The following PDCD6IP variants were observed in gnomAD, a reference collection of about 807,000 sequenced individuals.
The protein encoded by PDCD6IP is programmed cell death 6-interacting protein.
Under a neutral mutation model 103.7 loss-of-function variants are expected in PDCD6IP, and 43 were observed. The observed-to-expected ratio is 0.41, with a 90% CI of 0.32 to 0.53. The LOEUF (loss-of-function observed/expected upper bound fraction) is 0.53. Ranked by LOEUF, PDCD6IP falls within the 20% of genes least tolerant of loss-of-function variation. PDCD6IP has a pLI of 0.16. For synonymous variants in PDCD6IP, 354 were observed against 378.7 expected, an observed-to-expected ratio of 0.93 and a Z score of 0.76; for missense variants, 871 against 1,036.7, an observed-to-expected ratio of 0.84 and a Z score of 2.20.
At chr3:33,828,187 A>T (rs7616762) in intron 6 of PDCD6IP, among the ~76,000 whole-genome samples, 2 of 152,012 alleles carry the variant, frequency 1.3e-5, no homozygotes, top group Non-Finnish European at 2.9e-5. Flanking sequence ...CAAATAGGCA[A>T]AATAACACTT....
chr3:33,849,128 T>C (rs1232816167), intron 12 of PDCD6IP, among the ~76,000 whole-genome samples: 3 of 152,252 alleles, frequency 2.0e-5, no homozygotes, highest in Non-Finnish European at 4.4e-5. Context: ...GTTCCTGATC[T>C]GAAAGACAAA....
In PDCD6IP at chr3:33,813,592, G is replaced by T. The variant is rs748666912; in HGVS notation, c.298G>T (p.Asp100Tyr). ...GACATTTACCTGGAAGGATGCTTTC[G>T]ATAAAGGTTCACTTTTTGGAGGCTC... ...CLTFTWKDAF[D>Y]KGSLFGGSVK... The change falls in exon 3 of 18, where the codon GAT becomes TAT. Residue 100 changes from aspartate to tyrosine, a missense_variant. Physicochemically the swap from Asp to Tyr is radical, Grantham distance 160. This residue lies in a region of PDCD6IP where 47 missense variants were observed against 83.7 expected (regional missense o/e 0.56). Transcript: ENST00000307296. 2 of 1,609,696 alleles carry T rather than the reference G, an allele frequency of 1.2e-6. No homozygotes were observed. Among genetic ancestry groups the T allele is most frequent in the Non-Finnish European group, 1.7e-6 (2 of 1,176,556 alleles).
At chr3:33,807,610 T>G (rs966777114) in intron 1 of PDCD6IP, among the ~76,000 whole-genome samples, 1 of 152,138 alleles carries the variant, frequency 6.6e-6, no homozygotes. Flanking sequence ...CTCATTGGGG[T>G]AGAGTAAAAC....
intron 2 of PDCD6IP, 30 bp downstream of exon 2, chr3:33,812,156 A>G: frequency 1.3e-6 from 2 of 1,591,272 alleles, no homozygotes; most frequent in Non-Finnish European, 1.7e-6. Flanking sequence ...TTAAAATTAT[A>G]TGGTAATAGC....
chr3:33,819,004 T>G (rs1696927039), intron 3 of PDCD6IP, among the ~76,000 whole-genome samples: 1 of 152,140 alleles, frequency 6.6e-6, no homozygotes, highest in Admixed American at 6.5e-5. Flanking sequence ...TTTTGGCCCT[T>G]TTAGTTTGAA....
intron 8 of PDCD6IP, 78 bp downstream of exon 8, chr3:33,836,344 A>G: frequency 2.6e-6 from 2 of 766,792 alleles, no homozygotes; most frequent in Non-Finnish European, 4.5e-6. Flanking sequence ...AAATCACATA[A>G]TTGCTGTTGT....
intron 8 of PDCD6IP, among the ~76,000 whole-genome samples, chr3:33,837,502 A>G (rs1481088480): frequency 6.6e-6 from 1 of 152,174 alleles, no homozygotes; most frequent in Non-Finnish European, 1.5e-5. Context: ...ACTGATGCAC[A>G]GAGTGGTTAA....
At chr3:33,862,453 T>C (rs992132364) in intron 15 of PDCD6IP, among the ~76,000 whole-genome samples, 8 of 152,202 alleles carry the variant, frequency 5.3e-5, no homozygotes, top group Admixed American at 2.6e-4. Flanking sequence ...ATTGACATCA[T>C]GTATTACATG....
At chr3:33,828,622 AG>A in intron 6 of PDCD6IP, 1 of 311,966 alleles carries the variant, frequency 3.2e-6, no homozygotes, top group Non-Finnish European at 5.9e-6. Context: ...TTCAGTTAAC[AG>A]TTAAAAAAAA....
chr3:33,828,694 C>T (rs1471296178), intron 6 of PDCD6IP, 159 bp from the exon 7 acceptor site: 5 of 524,274 alleles, frequency 9.5e-6, no homozygotes, highest in Admixed American at 4.1e-5. Context: ...AAAATCATGT[C>T]GTCTTCTCTG....
chr3:33,821,493 A>G (rs1026535479), intron 3 of PDCD6IP, among the ~76,000 whole-genome samples: 2 of 151,766 alleles, frequency 1.3e-5, no homozygotes, highest in Non-Finnish European at 2.9e-5. Context: ...TGAGAAATGT[A>G]TTTGCATGAG....
In PDCD6IP at chr3:33,836,073, A is replaced by G. The variant is rs988465215; in HGVS notation, c.864A>G (p.Ala288=). ...QHAAELIKTV[A]SRYDEYVNVK... ...CAGCAGAACTGATTAAAACAGTGGCATCTCGCTATGATGAATATGTTAATG... is the reference window on the plus strand; with the variant it reads ...CAGCAGAACTGATTAAAACAGTGGCGTCTCGCTATGATGAATATGTTAATG... The change falls in exon 8 of 18, where the codon GCA becomes GCG. Residue 288 remains alanine, a synonymous_variant. Coordinates refer to ENST00000307296, the MANE Select transcript of PDCD6IP (RefSeq NM_013374.6). The G allele has an allele frequency of 1.4e-5, 22 of 1,610,506 alleles. No homozygotes were observed. Among genetic ancestry groups the G allele is most frequent in the Non-Finnish European group, 1.9e-5 (22 of 1,176,934 alleles).
At chr3:33,848,046 C>T (rs1697632457) in intron 12 of PDCD6IP, among the ~76,000 whole-genome samples, 1 of 152,094 alleles carries the variant, frequency 6.6e-6, no homozygotes, top group Admixed American at 6.5e-5. Flanking sequence ...ACTGTGTGCC[C>T]TCCCAGAGGA....
At chr3:33,811,032 T>G (rs990398490) in intron 1 of PDCD6IP, 9 of 399,518 alleles carry the variant, frequency 2.3e-5, no homozygotes, top group African/African-American at 1.3e-4. Flanking sequence ...ACCACAGGTG[T>G]GCGCCACCAT....
chr3:33,806,051 A>G (rs545994970), intron 1 of PDCD6IP, among the ~76,000 whole-genome samples: 1 of 152,190 alleles, frequency 6.6e-6, no homozygotes, highest in African/African-American at 2.4e-5. Context: ...AGCCTAAACT[A>G]GAATTTCTAA....
chr3:33,841,445 T>TG (rs1697469655), intron 9 of PDCD6IP, among the ~76,000 whole-genome samples: 1 of 138,212 alleles, frequency 7.2e-6, no homozygotes, highest in Non-Finnish European at 1.6e-5. Context: ...TTTTTTTTTT[T>TG]TTTTTTTTTT....
intron 15 of PDCD6IP, among the ~76,000 whole-genome samples, chr3:33,856,395 G>GTTA (rs960030871): frequency 5.3e-5 from 8 of 152,046 alleles, no homozygotes; most frequent in Admixed American, 4.6e-4. Context: ...CACAAAGGGC[G>GTTA]AATAAACACT....
chr3:33,851,603 C>T (rs753470145), intron 12 of PDCD6IP, among the ~76,000 whole-genome samples: 3 of 151,970 alleles, frequency 2.0e-5, no homozygotes, highest in Non-Finnish European at 4.4e-5. Context: ...TTTGGAGTAG[C>T]TGTGACTGCA....
In PDCD6IP at chr3:33,798,671, C is replaced by T. The variant is rs2125536945; in HGVS notation, c.-58C>T. On this transcript the variant is annotated 5_prime_UTR_variant, in exon 1 of 18. Transcript: ENST00000307296. ...CGCCAGCCCAGTACCTCTCTCTCCT[C>T]GGCCCTCGTAAGCTGTCCGCGGTCT... The T allele has an allele frequency of 7.0e-7, 1 of 1,426,754 alleles. No homozygotes were observed. Among genetic ancestry groups the T allele is most frequent in the Non-Finnish European group, 9.4e-7 (1 of 1,059,838 alleles). The allele number at this position is 1,426,754 out of a possible 1,614,324, so 88.4% of individuals were successfully genotyped here.
Sources: allele counts gnomAD v4.1 joint callset (sites outside exome capture counted in the v4.1 genomes callset), GRCh38; gene constraint gnomAD v4.1.1; regional missense constraint gnomAD v4.1.1; transcripts MANE v1.5; gene names NCBI Gene and HGNC (gene_info 2026-07-23, HGNC 2026-07-21).